Variants in TTLL1 observed in about 807,000 individuals in gnomAD.
The protein encoded by TTLL1 is TTL family tubulin polyglutamylase complex subunit L1.
In TTLL1, 33 loss-of-function variants were observed where a neutral mutation model predicts 47.8. That is an observed-to-expected ratio of 0.69 (90% CI 0.52 to 0.92). The LOEUF (loss-of-function observed/expected upper bound fraction) is 0.92, where lower values mean the gene tolerates loss of function less well. TTLL1 is among the 40% of genes least tolerant of loss of function. TTLL1 has a pLI of 0.00. For synonymous variants in TTLL1, 225 were observed against 214.1 expected (o/e 1.05, Z -0.45); for missense variants, 488 against 547.5 (o/e 0.89, Z 1.08).
Position 43,046,430 on chromosome 22 carries a change from G to A in TTLL1, c.1122C>T (p.Val374=), listed in dbSNP as rs560814513. Reference sequence around the variant, plus strand: ...CTTACAGAATCTCGTAATTGCCGAGGACTTCCTTAGGTGGCGACTTGTTCC... The same window carrying A: ...CTTACAGAATCTCGTAATTGCCGAGAACTTCCTTAGGTGGCGACTTGTTCC... ...CKWNKSPPKE[V]LGNYEILYDE... Residue 374 remains valine, a synonymous_variant, in exon 10 of 11, where the codon GTC becomes GTT. Transcript: ENST00000266254. The A allele has an allele frequency of 6.2e-7, 1 of 1,613,916 alleles. No homozygotes were observed. Among genetic ancestry groups the A allele is most frequent in the African/African-American group, 1.3e-5 (1 of 74,884 alleles).
intron 10 of TTLL1, among the ~76,000 whole-genome samples, chr22:43,046,036 C>T (rs535428574): frequency 3.3e-5 from 5 of 152,136 alleles, no homozygotes; most frequent in East Asian, 3.9e-4. Flanking sequence ...GCCTGGCCAA[C>T]GTGGTGAAAC....
At position 43,071,422 on chromosome 22, in the gene TTLL1, T is replaced by G. The variant is rs779122551; in HGVS notation, c.114-1578A>C. Among the ~76,000 whole-genome samples the G allele has an allele frequency of 8.6e-5, 13 of 151,868 alleles. 1 individual carries two copies. Among genetic ancestry groups the G allele is most frequent in the South Asian group, 8.3e-4 (4 of 4,814 alleles). ...TGTTTTGTTTTGTTTTGTTTATTTG[T>G]TTTTGGAGATAGAGTTTTACTCTGT... On this transcript the variant is annotated intron_variant, in intron 3 of 10. Transcript: ENST00000266254.
chr22:43,044,718 G>A (rs1374146940), intron 10 of TTLL1, among the ~76,000 whole-genome samples: 2 of 151,934 alleles, frequency 1.3e-5, no homozygotes, highest in South Asian at 2.1e-4. Flanking sequence ...TCATGCATTC[G>A]CATGTAAGCC....
chr22:43,084,914 A>T (rs1157912796), intron 1 of TTLL1, among the ~76,000 whole-genome samples: 1 of 149,706 alleles, frequency 6.7e-6, no homozygotes, highest in African/African-American at 2.5e-5. Context: ...GCCTGCACAG[A>T]GTAAGGAATG....
chr22:43,065,800 G>T (rs1373859028), intron 5 of TTLL1, among the ~76,000 whole-genome samples: 1 of 151,950 alleles, frequency 6.6e-6, no homozygotes, highest in Non-Finnish European at 1.5e-5. Context: ...GGGAGGCCGT[G>T]CATGTGTGGG....
At chr22:43,053,085 A>C (rs1926754546) in intron 8 of TTLL1, among the ~76,000 whole-genome samples, 1 of 151,772 alleles carries the variant, frequency 6.6e-6, no homozygotes, top group South Asian at 2.1e-4. Flanking sequence ...CAAACAAAAA[A>C]CACAAAACCC....
chr22:43,063,926 G>A lies in TTLL1; in HGVS notation c.639-5C>T, dbSNP rs1444376703. ...CGGCAAAACCCAAGCTTGTACCTAG[G>A]AGGGAATGTAGATTAATTCAAACTC... On this transcript the variant is annotated splice_region_variant and splice_polypyrimidine_tract_variant and intron_variant, in intron 6 of 10. Transcript: ENST00000266254. 6 of 1,613,222 alleles carry A rather than the reference G, an allele frequency of 3.7e-6. No individual in the cohort carries two copies. Among genetic ancestry groups the A allele is most frequent in the Non-Finnish European group, 5.1e-6 (6 of 1,179,508 alleles).
chr22:43,040,787 A>G lies in TTLL1; in HGVS notation c.1143-882T>C, dbSNP rs148904684. ...CCTGTTTCCCAATTAACGTTCATGC[A>G]TCCTAAGGCCGCGTGTGCTAAGGAG... On this transcript the variant is annotated intron_variant, in intron 10 of 10. Transcript: ENST00000266254. 9.1e-4 allele frequency among the ~76,000 whole-genome samples: 138 copies of G among 152,192 alleles called. 3 individuals carry two copies. In the East Asian group the frequency reaches 0.024, roughly 27 times the overall value.
chr22:43,053,663 T>C (rs1926801527), intron 8 of TTLL1, among the ~76,000 whole-genome samples: 1 of 152,194 alleles, frequency 6.6e-6, no homozygotes, highest in Admixed American at 6.5e-5. Context: ...TGCCTCACTC[T>C]GAGGACAACA....
At chr22:43,060,086 G>T (rs898363293) in intron 7 of TTLL1, among the ~76,000 whole-genome samples, 1 of 152,264 alleles carries the variant, frequency 6.6e-6, no homozygotes, top group African/African-American at 2.4e-5. Context: ...GCAATGGCAC[G>T]ATCTCGGCTT....
At chr22:43,072,244 C>T (rs1928176840) in intron 3 of TTLL1, among the ~76,000 whole-genome samples, 1 of 150,864 alleles carries the variant, frequency 6.6e-6, no homozygotes, top group African/African-American at 2.4e-5. Flanking sequence ...ATCTCCGCCT[C>T]CCGGGTTCAC....
intron 6 of TTLL1, 43 bp downstream of exon 6, chr22:43,064,147 G>A: frequency 6.3e-7 from 1 of 1,593,458 alleles, no homozygotes; most frequent in Non-Finnish European, 8.5e-7. Flanking sequence ...CGTTTTGGGT[G>A]AAAACACAAT....
chr22:43,073,331 A>G (rs766636825), intron 3 of TTLL1, among the ~76,000 whole-genome samples: 7,023 of 100,708 alleles, frequency 0.07, 213 homozygotes, highest in Non-Finnish European at 0.083. Flanking sequence ...CGGTCTATTT[A>G]TTTATTTATT....
At chr22:43,059,358 G>T in intron 8 of TTLL1, 26 bp downstream of exon 8, 1 of 1,589,576 alleles carries the variant, frequency 6.3e-7, no homozygotes, top group Non-Finnish European at 8.6e-7. Flanking sequence ...CCTGGGAGCC[G>T]GCTCCCCCGC....
At chr22:43,066,184 A>G (rs1927723542) in intron 5 of TTLL1, among the ~76,000 whole-genome samples, 1 of 151,580 alleles carries the variant, frequency 6.6e-6, no homozygotes, top group African/African-American at 2.4e-5. Context: ...TAAAAAAAAA[A>G]TCAAGCTACT....
intron 10 of TTLL1, 102 bp from the exon 11 acceptor site, chr22:43,040,007 C>T (rs1217189488): frequency 1.0e-4 from 155 of 1,498,308 alleles, no homozygotes; most frequent in Middle Eastern, 2.5e-4. Flanking sequence ...CCCAGAGAAG[C>T]GGCCTGAGGG....
At chr22:43,066,736 T>C (rs1004157789) in intron 5 of TTLL1, among the ~76,000 whole-genome samples, 6 of 150,800 alleles carry the variant, frequency 4.0e-5, no homozygotes, top group African/African-American at 1.5e-4. Flanking sequence ...CCCCCTGTAA[T>C]ACTAGCACTT....
intron 8 of TTLL1, among the ~76,000 whole-genome samples, chr22:43,053,088 C>T (rs547747848): frequency 6.6e-6 from 1 of 151,830 alleles, no homozygotes; most frequent in Non-Finnish European, 1.5e-5. Context: ...ACAAAAAACA[C>T]AAAACCCCCC....
intron 8 of TTLL1, among the ~76,000 whole-genome samples, chr22:43,052,739 C>T (rs1039888389): frequency 4.7e-5 from 7 of 149,320 alleles, no homozygotes; most frequent in African/African-American, 1.7e-4. Flanking sequence ...GAGCAAGAAC[C>T]TGTCACTTAA....
Sources: gnomAD v4.1 joint callset for allele counts (sites outside exome capture counted in the v4.1 genomes callset) on GRCh38, gnomAD v4.1.1 for gene constraint, MANE v1.5 for transcripts, NCBI Gene and HGNC (gene_info 2026-07-23, HGNC 2026-07-21) for gene names.